The following AGBL1 variants were observed in gnomAD, a reference collection of about 807,000 sequenced individuals.
AGBL1 encodes the protein cytosolic carboxypeptidase 4.
AGBL1 carries 130 observed loss-of-function variants against 118.9 expected under a neutral mutation model. The ratio of observed to expected loss-of-function variants is 1.09; its 90% CI spans 0.95 to 1.26. The LOEUF is 1.26. Among genes scored for constraint, AGBL1 ranks in the 50% most tolerant of loss-of-function variants. The probability of loss-of-function intolerance (pLI) is 0.00; values close to 1 mark genes in which losing one functional copy is unlikely to be tolerated. For missense variants in AGBL1, 1,584 were observed against 1,298.1 expected, an observed-to-expected ratio of 1.22 and a Z score of -3.38; for synonymous variants, 555 against 478.9, an observed-to-expected ratio of 1.16 and a Z score of -2.08.
intron 21 of AGBL1, among the ~76,000 whole-genome samples, chr15:86,589,093 C>T (rs757054057): frequency 3.3e-5 from 5 of 151,766 alleles, no homozygotes; most frequent in African/African-American, 7.3e-5. Context: ...GAATAACTTA[C>T]GATGGTTGAT....
At chr15:86,685,786 CTCTTT>C (rs2086043247) in intron 22 of AGBL1, among the ~76,000 whole-genome samples, 1 of 152,094 alleles carries the variant, frequency 6.6e-6, no homozygotes, top group Admixed American at 6.6e-5. Context: ...AAAGCTTTTT[CTCTTT>C]TATTTCTGAA....
intron 23 of AGBL1, among the ~76,000 whole-genome samples, chr15:86,942,226 G>T (rs2080761939): frequency 6.6e-6 from 1 of 152,168 alleles, no homozygotes. Flanking sequence ...TTTAAAAAGG[G>T]AATGTGAGGG....
chr15:86,481,680 A>G (rs963278116), intron 18 of AGBL1, among the ~76,000 whole-genome samples: 1 of 152,052 alleles, frequency 6.6e-6, no homozygotes, highest in African/African-American at 2.4e-5. Context: ...TTGATTATTT[A>G]TTCAGTATTA....
At chr15:86,966,579 G>A (rs896149445) in intron 23 of AGBL1, among the ~76,000 whole-genome samples, 2 of 152,000 alleles carry the variant, frequency 1.3e-5, no homozygotes, top group Non-Finnish European at 2.9e-5. Flanking sequence ...TGTGGTGTTT[G>A]GTTTTTTGTC....
At chr15:86,742,346 G>T in intron 22 of AGBL1, among the ~76,000 whole-genome samples, 1 of 152,108 alleles carries the variant, frequency 6.6e-6, no homozygotes, top group East Asian at 1.9e-4. Flanking sequence ...CTCTGCTTTT[G>T]TCGAGTCCCT....
intron 22 of AGBL1, among the ~76,000 whole-genome samples, chr15:86,834,799 A>G (rs753599469): frequency 2.0e-5 from 3 of 152,160 alleles, no homozygotes; most frequent in Admixed American, 1.3e-4. Context: ...CGTTGACACT[A>G]AAGCGTGAGA....
chr15:86,731,563 G>A (rs577932824), intron 22 of AGBL1, among the ~76,000 whole-genome samples: 3 of 152,336 alleles, frequency 2.0e-5, no homozygotes, highest in East Asian at 3.9e-4. Context: ...ATCTGATCCT[G>A]CAAAGCTAGG....
chr15:86,542,660 C>T lies in AGBL1; in HGVS notation c.2686-3342C>T, dbSNP rs368965941. On this transcript the variant is annotated intron_variant, in intron 19 of 22. Transcript: ENST00000614907. Reference sequence around the variant, plus strand: ...TGGGATTTCCAGGAGTGAGCCACTGCGCCTGGCGAGATGGGGTCTTTGATT... The same window carrying T: ...TGGGATTTCCAGGAGTGAGCCACTGTGCCTGGCGAGATGGGGTCTTTGATT... Among the ~76,000 whole-genome samples the T allele has an allele frequency of 1.9e-3, 293 of 152,176 alleles. 1 individual carries two copies. The highest frequency in any genetic ancestry group is 6.6e-3 in the African/African-American group (276 of 41,526).
intron 22 of AGBL1, among the ~76,000 whole-genome samples, chr15:86,698,834 G>A (rs1464819202): frequency 6.6e-6 from 1 of 151,864 alleles, no homozygotes; most frequent in African/African-American, 2.4e-5. Context: ...GATTTTGAAG[G>A]TATATTGTGA....
At chr15:86,841,993 G>C (rs2079252596) in intron 22 of AGBL1, among the ~76,000 whole-genome samples, 1 of 152,160 alleles carries the variant, frequency 6.6e-6, no homozygotes. Context: ...AATTAACAGA[G>C]TCTGGCTCAT....
intron 16 of AGBL1, among the ~76,000 whole-genome samples, chr15:86,294,230 C>T (rs952806694): frequency 6.6e-6 from 1 of 151,840 alleles, no homozygotes; most frequent in African/African-American, 2.4e-5. Flanking sequence ...AAACCCCACT[C>T]TCTACTAAAA....
chr15:86,867,438 G>A (rs985805163), intron 22 of AGBL1, among the ~76,000 whole-genome samples: 2 of 152,096 alleles, frequency 1.3e-5, no homozygotes, highest in African/African-American at 4.8e-5. Context: ...TGCTTGCCCC[G>A]AGGATGAGGG....
Position 86,975,113 on chromosome 15 carries a change from G to A in AGBL1, c.3222-12874G>A, listed in dbSNP as rs150688067. Among the ~76,000 whole-genome samples, 719 of 152,038 alleles carry A rather than the reference G, an allele frequency of 4.7e-3. 8 individuals are homozygous for A. Among genetic ancestry groups the A allele is most frequent in the African/African-American group, 0.017 (693 of 41,500 alleles). Reference sequence around the variant, plus strand: ...GGAGCTTTTTTGAGAGGAGCAAAGAGATAAAATGTCCCACAGTGGTTTCCC... The same window carrying A: ...GGAGCTTTTTTGAGAGGAGCAAAGAAATAAAATGTCCCACAGTGGTTTCCC... On this transcript the variant is annotated intron_variant, in intron 23 of 24. Coordinates refer to the AGBL1 transcript ENST00000441037.
chr15:86,573,227 C>T (rs1277411375), intron 21 of AGBL1, among the ~76,000 whole-genome samples: 1 of 152,200 alleles, frequency 6.6e-6, no homozygotes, highest in Admixed American at 6.5e-5. Flanking sequence ...TTCATTCATT[C>T]TTTCTTGCAT....
intron 22 of AGBL1, among the ~76,000 whole-genome samples, chr15:86,786,541 A>G (rs2078415503): frequency 6.6e-6 from 1 of 152,208 alleles, no homozygotes; most frequent in African/African-American, 2.4e-5. Context: ...AAAATATCAC[A>G]AATAAAATGG....
intron 23 of AGBL1, among the ~76,000 whole-genome samples, chr15:86,921,355 T>C (rs2080480182): frequency 6.6e-6 from 1 of 152,204 alleles, no homozygotes; most frequent in East Asian, 1.9e-4. Context: ...TTGTCTGAGG[T>C]CTACGTGCCA....
At chr15:86,712,820 T>C (rs187295643) in intron 22 of AGBL1, among the ~76,000 whole-genome samples, 11 of 152,280 alleles carry the variant, frequency 7.2e-5, no homozygotes, top group African/African-American at 2.2e-4. Flanking sequence ...TTAGTGAAGA[T>C]AGCAGCAAGG....
chr15:86,714,190 G>T lies in AGBL1; in HGVS notation c.3158+39754G>T, dbSNP rs374565866. On this transcript the variant is annotated intron_variant, in intron 22 of 22. Transcript: ENST00000614907. Reference sequence around the variant, plus strand: ...AATTAATTATGAGGCAATGATAAGGGGCCCAAGAAATACAACCCATGTGCC... The same window carrying T: ...AATTAATTATGAGGCAATGATAAGGTGCCCAAGAAATACAACCCATGTGCC... Among the ~76,000 whole-genome samples, 5 of 152,064 alleles carry T rather than the reference G, an allele frequency of 3.3e-5. No individual in the cohort carries two copies. The East Asian group carries it at 5.8e-4, about 18-fold the overall frequency.
chr15:86,396,241 GTGTA>G (rs371855930), intron 17 of AGBL1, among the ~76,000 whole-genome samples: 10,220 of 133,006 alleles, frequency 0.077, 415 homozygotes, highest in African/African-American at 0.094. Flanking sequence ...GTGTGTGTGT[GTGTA>G]TATATATATA....
Sources: allele counts gnomAD v4.1 joint callset (sites outside exome capture counted in the v4.1 genomes callset), GRCh38; gene constraint gnomAD v4.1.1; transcripts MANE v1.5; gene names NCBI Gene and HGNC (gene_info 2026-07-23, HGNC 2026-07-21).